The following RALYL variants were observed in gnomAD, a reference collection of about 807,000 sequenced individuals.
RALYL encodes RNA-binding Raly-like protein.
In RALYL, 29 loss-of-function variants were observed where a neutral mutation model predicts 35.1. The ratio of observed to expected loss-of-function variants is 0.83; its 90% CI spans 0.61 to 1.13. The LOEUF is 1.13. Among genes scored for constraint, RALYL ranks in the 50% most tolerant of loss-of-function variants. The pLI is 0.00. For missense variants in RALYL, 359 were observed against 360.4 expected (o/e 1.00, Z 0.03); for synonymous variants, 120 against 127.6 (o/e 0.94, Z 0.40).
intron 4 of RALYL, among the ~76,000 whole-genome samples, chr8:84,810,026 T>C (rs956187037): frequency 1.3e-5 from 2 of 152,068 alleles, no homozygotes; most frequent in African/African-American, 2.4e-5. Flanking sequence ...TTTTACTGGG[T>C]TTGGTTTTGG....
At chr8:84,912,904 C>T (rs930993565) in intron 8 of RALYL, among the ~76,000 whole-genome samples, 5 of 151,844 alleles carry the variant, frequency 3.3e-5, no homozygotes, top group African/African-American at 1.2e-4. Context: ...CTTTGTGTCT[C>T]AGGATTCTCT....
chr8:84,596,902 A>G (rs1814676479), intron 2 of RALYL, among the ~76,000 whole-genome samples: 1 of 152,124 alleles, frequency 6.6e-6, no homozygotes. Context: ...TACTGATATC[A>G]ATAGAGCAGA....
At chr8:84,531,274 A>G in intron 2 of RALYL, among the ~76,000 whole-genome samples, 1 of 152,300 alleles carries the variant, frequency 6.6e-6, no homozygotes. Context: ...AATTAAAACT[A>G]TTTGGGAAGG....
intron 1 of RALYL, among the ~76,000 whole-genome samples, chr8:84,518,944 C>T (rs1490596615): frequency 1.3e-5 from 2 of 152,256 alleles, no homozygotes; most frequent in Admixed American, 6.5e-5. Context: ...CAATTTAGCT[C>T]TTTGTGACAG....
At chr8:84,730,925 T>A (rs1419213289) in intron 2 of RALYL, among the ~76,000 whole-genome samples, 1 of 151,762 alleles carries the variant, frequency 6.6e-6, no homozygotes, top group Non-Finnish European at 1.5e-5. Flanking sequence ...GTGATGGAAT[T>A]TAGGTTAGTG....
chr8:84,752,170 TC>T (rs1810213004), intron 2 of RALYL, among the ~76,000 whole-genome samples: 1 of 152,114 alleles, frequency 6.6e-6, no homozygotes, highest in Non-Finnish European at 1.5e-5. Context: ...GGAGCAAAGG[TC>T]ACTCTTGTTA....
intron 2 of RALYL, among the ~76,000 whole-genome samples, chr8:84,766,571 A>AAAT (rs1814054518): frequency 7.0e-6 from 1 of 143,668 alleles, no homozygotes; most frequent in South Asian, 2.1e-4. Context: ...ATAAATAAAT[A>AAAT]AAATTAGCCA....
chr8:84,566,912 A>C (rs1289418082), intron 2 of RALYL, among the ~76,000 whole-genome samples: 1 of 151,668 alleles, frequency 6.6e-6, no homozygotes, highest in African/African-American at 2.4e-5. Flanking sequence ...TGACTGTGTT[A>C]ATACATTTGA....
chr8:84,775,120 T>C (rs1449355853), intron 3 of RALYL, among the ~76,000 whole-genome samples: 1 of 151,832 alleles, frequency 6.6e-6, no homozygotes, highest in Non-Finnish European at 1.5e-5. Context: ...CAGCTATCAT[T>C]ATTATTATTA....
At chr8:84,576,070 A>G (rs1477825916) in intron 2 of RALYL, among the ~76,000 whole-genome samples, 2 of 152,206 alleles carry the variant, frequency 1.3e-5, no homozygotes, top group African/African-American at 4.8e-5. Context: ...GGCATAGCCA[A>G]TGGTCAATAT....
chr8:84,299,248 C>T (rs1840324647), intron 1 of RALYL, among the ~76,000 whole-genome samples: 1 of 151,950 alleles, frequency 6.6e-6, no homozygotes, highest in Non-Finnish European at 1.5e-5. Flanking sequence ...GGTTTTAATT[C>T]TGCTTATGTG....
At chr8:84,530,519 C>A (rs986453296) in intron 2 of RALYL, among the ~76,000 whole-genome samples, 3 of 151,980 alleles carry the variant, frequency 2.0e-5, no homozygotes, top group Non-Finnish European at 4.4e-5. Context: ...TTCTTAACTT[C>A]CCCCATCATC....
At chr8:84,207,128 A>T (rs1307823006) in intron 1 of RALYL, among the ~76,000 whole-genome samples, 2 of 152,164 alleles carry the variant, frequency 1.3e-5, no homozygotes, top group African/African-American at 4.8e-5. Context: ...AAAAATTAAA[A>T]ATAGAACTTT....
chr8:84,572,439 C>A (rs1217716534), intron 2 of RALYL, among the ~76,000 whole-genome samples: 1 of 151,586 alleles, frequency 6.6e-6, no homozygotes, highest in Non-Finnish European at 1.5e-5. Flanking sequence ...ATTATCCATC[C>A]ATTTCCACTT....
At chr8:84,698,978 C>G (rs1191144829) in intron 2 of RALYL, among the ~76,000 whole-genome samples, 1 of 151,038 alleles carries the variant, frequency 6.6e-6, no homozygotes, top group African/African-American at 2.4e-5. Flanking sequence ...CCACTCACAA[C>G]CCTGTGGCTT....
chr8:84,776,331 T>A (rs1167760143), intron 3 of RALYL, among the ~76,000 whole-genome samples: 1 of 152,184 alleles, frequency 6.6e-6, no homozygotes, highest in African/African-American at 2.4e-5. Flanking sequence ...CAGAGATTTT[T>A]AAAGCTATAC....
intron 2 of RALYL, among the ~76,000 whole-genome samples, chr8:84,720,521 A>T (rs1448280825): frequency 6.6e-6 from 1 of 152,128 alleles, no homozygotes; most frequent in South Asian, 2.1e-4. Context: ...TTAAAGACTT[A>T]TGTACTATAA....
intron 1 of RALYL, among the ~76,000 whole-genome samples, chr8:84,244,891 A>G (rs1828745052): frequency 6.6e-6 from 1 of 152,178 alleles, no homozygotes; most frequent in South Asian, 2.1e-4. Flanking sequence ...AAACTATCAT[A>G]CATGCTGGCA....
intron 1 of RALYL, among the ~76,000 whole-genome samples, chr8:84,450,937 G>T (rs1262040886): frequency 6.6e-6 from 1 of 151,900 alleles, no homozygotes; most frequent in Non-Finnish European, 1.5e-5. Context: ...ATGGGGTTCT[G>T]CTTATGTCTG....
Sources: gnomAD v4.1 joint callset for allele counts (sites outside exome capture counted in the v4.1 genomes callset) on GRCh38, gnomAD v4.1.1 for gene constraint, MANE v1.5 for transcripts, NCBI Gene and HGNC (gene_info 2026-07-23, HGNC 2026-07-21) for gene names.